The following GOLGB1 variants were observed in gnomAD, a reference collection of about 807,000 sequenced individuals.
The protein encoded by GOLGB1 is golgin B1.
A neutral mutation model predicts 336.9 loss-of-function variants in GOLGB1; 174 were observed. That is an observed-to-expected ratio of 0.52 (90% CI 0.46 to 0.59). The LOEUF (loss-of-function observed/expected upper bound fraction) is 0.59, where lower values mean the gene tolerates loss of function less well. GOLGB1 is among the 20% of genes least tolerant of loss of function. The probability of loss-of-function intolerance (pLI) is 0.00; values close to 1 mark genes in which losing one functional copy is unlikely to be tolerated. For synonymous variants in GOLGB1, 1,208 were observed against 1,289.2 expected (o/e 0.94, Z 1.35); for missense variants, 3,331 against 3,645.3 (o/e 0.91, Z 2.22).
intron 14 of GOLGB1, among the ~76,000 whole-genome samples, chr3:121,688,602 C>T (rs1477092682): frequency 6.6e-6 from 1 of 152,216 alleles, no homozygotes; most frequent in African/African-American, 2.4e-5. Flanking sequence ...TCTGCCCCGC[C>T]GCCACCCCGT....
chr3:121,733,602 T>C (rs1483216637), intron 1 of GOLGB1, among the ~76,000 whole-genome samples: 2 of 152,198 alleles, frequency 1.3e-5, no homozygotes, highest in African/African-American at 2.4e-5. Flanking sequence ...AGCAAGCTTT[T>C]AGTAAACATC....
At chr3:121,669,758 G>T (rs1939224699) in intron 17 of GOLGB1, among the ~76,000 whole-genome samples, 1 of 152,162 alleles carries the variant, frequency 6.6e-6, no homozygotes, top group Non-Finnish European at 1.5e-5. Context: ...AATATGGCTG[G>T]AGAGAGCTGT....
rs751937594 is a variant in GOLGB1, at chr3:121,694,613, C to CA, written c.5909dup (p.Ser1971GlufsTer2). ...GCTGCTTTTCTTCTTCCAATTCACTCACACACTTTTTAAGGTTCTTCATTT... is the reference window on the plus strand; with the variant it reads ...GCTGCTTTTCTTCTTCCAATTCACTCAACACACTTTTTAAGGTTCTTCATTT... On this transcript the variant is annotated frameshift_variant, in exon 13 of 22. Transcript: ENST00000614479. LOFTEE classifies it high-confidence loss of function. The CA allele has an allele frequency of 1.9e-5, 30 of 1,612,066 alleles. No individual in the cohort carries two copies. Among genetic ancestry groups the CA allele is most frequent in the Non-Finnish European group, 2.5e-5 (29 of 1,179,976 alleles).
intron 1 of GOLGB1, among the ~76,000 whole-genome samples, chr3:121,734,405 A>AC (rs1312693834): frequency 5.9e-4 from 90 of 151,860 alleles, no homozygotes; most frequent in Middle Eastern, 3.4e-3. Flanking sequence ...AAAAAAAAAA[A>AC]AAAAAACAAG....
chr3:121,665,144 C>G (rs1168261749), intron 20 of GOLGB1, 113 bp from the exon 21 acceptor site: 1 of 652,540 alleles, frequency 1.5e-6, no homozygotes, highest in Non-Finnish European at 2.7e-6. Context: ...AGACTTGCAG[C>G]AAAAGCTGCT....
intron 4 of GOLGB1, among the ~76,000 whole-genome samples, chr3:121,727,314 ATATATATTTTTTTTTTT>A (rs1252949206): frequency 5.2e-5 from 2 of 38,540 alleles, no homozygotes; most frequent in African/African-American, 7.2e-5. Context: ...ATATATATAT[ATATATATTTTTTTTTTT>A]TTTTTTTTTT....
rs1284445499 is a variant in GOLGB1 at position 121,714,845 on chromosome 3, G to C, written c.1404+16C>G. On this transcript the variant is annotated intron_variant, in intron 10 of 21. Coordinates refer to ENST00000614479, the MANE Select transcript of GOLGB1 (RefSeq NM_001366282.2). ...GACAAACAGTTAATATTCATAAGAA[G>C]TTCACATTTAATTACCTGTGTGCCC... 3.6e-6 allele frequency: 5 copies of C among 1,390,742 alleles called. No homozygotes were observed. The highest frequency in any genetic ancestry group is 4.1e-6 in the Non-Finnish European group (4 of 976,550). The allele number at this position is 1,390,742 out of a possible 1,614,324, so 86.2% of individuals were successfully genotyped here.
intron 1 of GOLGB1, among the ~76,000 whole-genome samples, chr3:121,741,422 T>TA (rs1257246600): frequency 6.6e-6 from 1 of 152,054 alleles, no homozygotes; most frequent in African/African-American, 2.4e-5. Flanking sequence ...ATGCAAAAAA[T>TA]AAAAAATATT....
rs771625594 is a variant in GOLGB1 at position 121,690,852 on chromosome 3, A to T, written c.8512T>A (p.Ser2838Thr). The T allele has an allele frequency of 5.6e-6, 9 of 1,613,678 alleles. No individual in the cohort carries two copies. Among genetic ancestry groups the T allele is most frequent in the Non-Finnish European group, 7.6e-6 (9 of 1,179,756 alleles). Reference protein sequence around the residue: ...QLEDSYNQVQSFSKAMASLQN... With the variant: ...QLEDSYNQVQTFSKAMASLQN... ...AGACTGGCCATAGCCTTGGAAAAGG[A>T]CTGCACTTGGTTATAAGAATCTTCT... Residue 2838 changes from serine (S) to threonine (T), a missense_variant, in exon 14 of 22, where the codon TCC (serine) becomes ACC (threonine). Physicochemically the swap from Ser to Thr is moderately conservative, Grantham distance 58. Coordinates refer to ENST00000614479, the MANE Select transcript of GOLGB1 (RefSeq NM_001366282.2).
chr3:121,671,837 C>T (rs2107581243), intron 17 of GOLGB1, among the ~76,000 whole-genome samples: 1 of 151,618 alleles, frequency 6.6e-6, no homozygotes, highest in Non-Finnish European at 1.5e-5. Flanking sequence ...CCAATGCACT[C>T]TCTATCTTCA....
intron 11 of GOLGB1, among the ~76,000 whole-genome samples, chr3:121,700,534 AAT>A (rs1248584524): frequency 6.6e-6 from 1 of 152,018 alleles, no homozygotes; most frequent in African/African-American, 2.4e-5. Context: ...AAAGGAAAAA[AAT>A]ATATATATTT....
chr3:121,692,083 C>T lies in GOLGB1; in HGVS notation c.7281G>A (p.Glu2427=). The change falls in exon 14 of 22, where the codon GAG becomes GAA. Residue 2427 remains glutamate, a synonymous_variant. Transcript: ENST00000614479. ...TCTCCTCTTCTAAAACAATATTCTC[C>T]TCTTCCTCCTGGGACAGCAGGTTTT... ...ELENLLSQEE[E]ENIVLEEENK... 2 of 1,613,776 alleles carry T rather than the reference C, an allele frequency of 1.2e-6. No individual in the cohort carries two copies. The highest frequency in any genetic ancestry group is 2.2e-5 in the South Asian group (2 of 91,024).
At chr3:121,714,303 G>C (rs1944587462) in intron 10 of GOLGB1, among the ~76,000 whole-genome samples, 1 of 152,130 alleles carries the variant, frequency 6.6e-6, no homozygotes, top group Non-Finnish European at 1.5e-5. Context: ...CTGATATTCA[G>C]GCTCAATCAG....
At chr3:121,747,187 T>TATATATATGG (rs1947362537) in intron 1 of GOLGB1, among the ~76,000 whole-genome samples, 2 of 122,662 alleles carry the variant, frequency 1.6e-5, no homozygotes, top group East Asian at 4.9e-4. Context: ...TATATATATA[T>TATATATATGG]ATATATGGAT....
chr3:121,681,790 C>T lies in GOLGB1; in HGVS notation c.8770G>A (p.Ala2924Thr). The change falls in exon 15 of 22, where the codon GCT (alanine) becomes ACT (threonine). Residue 2924 changes from alanine to threonine, a missense_variant. Ala to Thr is a moderately conservative substitution (Grantham distance 58). Transcript: ENST00000614479. ...TTATCTTGATACTCCTGAAGTTGAG[C>T]CTTCAGTGGATGTAACTCAGTGATC... ...QEITELHPLK[A>T]QLQEYQDKTK... The T allele has an allele frequency of 6.3e-7, 1 of 1,597,310 alleles. No homozygotes were observed. Among genetic ancestry groups the T allele is most frequent in the Non-Finnish European group, 8.6e-7 (1 of 1,164,838 alleles).
At position 121,694,175 on chromosome 3, in the gene GOLGB1, T is replaced by C. The variant is rs1942726155; in HGVS notation, c.6348A>G (p.Ser2116=). 1 of 1,613,588 alleles carries C rather than the reference T, an allele frequency of 6.2e-7. No homozygotes were observed. The highest frequency in any genetic ancestry group is 8.5e-7 in the Non-Finnish European group (1 of 1,179,976). The part of the protein sequence containing the change: ...LKKELQSNKE[S]VKSQMKQKDE... ...CCTTTTGTTTCATCTGGCTTTTAAC[T>C]GATTCTTTATTTGACTGAAGTTCCT... Residue 2116 remains serine, a synonymous_variant, in exon 13 of 22, where the codon TCA becomes TCG. Coordinates refer to ENST00000614479, the MANE Select transcript of GOLGB1 (RefSeq NM_001366282.2).
Position 121,692,168 on chromosome 3 carries a change from G to A in GOLGB1, c.7196C>T (p.Ala2399Val). Residue 2399 changes from alanine to valine, a missense_variant, in exon 14 of 22, where the codon GCA becomes GTA. Physicochemically the swap from Ala to Val is moderately conservative, Grantham distance 64. Transcript: ENST00000614479. ...CAGTTCAGCAATAGCTACTTGGATT[G>A]CCTCTTCCTTGCCAGAAAGCAGGCT... The part of the protein sequence containing the change: ...IISLLSGKEE[A>V]IQVAIAELRQ... 6.2e-7 allele frequency: 1 copy of A among 1,605,372 alleles called. No individual in the cohort carries two copies. Among genetic ancestry groups the A allele is most frequent in the Non-Finnish European group, 8.5e-7 (1 of 1,177,794 alleles).
chr3:121,667,490 C>G lies in GOLGB1; in HGVS notation c.9540G>C (p.Glu3180Asp). Reference sequence around the variant, plus strand: ...TCAGCCTTTACCGTCTGATCTGCTCCTCGGCCACAGAGAGAGCATTCTCAG... The same window carrying G: ...TCAGCCTTTACCGTCTGATCTGCTCGTCGGCCACAGAGAGAGCATTCTCAG... ...VAAENALSVA[E>D]EQIRRLEHSE... Residue 3180 changes from glutamate to aspartate, a missense_variant, in exon 20 of 22, where the codon GAG becomes GAC. Physicochemically the swap from Glu to Asp is conservative, Grantham distance 45. Coordinates refer to ENST00000614479, the MANE Select transcript of GOLGB1 (RefSeq NM_001366282.2). 1.4e-5 allele frequency: 22 copies of G among 1,613,964 alleles called. No individual in the cohort carries two copies. Among genetic ancestry groups the G allele is most frequent in the Non-Finnish European group, 1.9e-5 (22 of 1,179,902 alleles).
At chr3:121,683,089 A>G (rs1309481266) in intron 14 of GOLGB1, among the ~76,000 whole-genome samples, 1 of 58,028 alleles carries the variant, frequency 1.7e-5, no homozygotes, top group African/African-American at 5.5e-5. Context: ...TTTTGGAGAG[A>G]CGGAGTCTCA....
Sources: allele counts gnomAD v4.1 joint callset (sites outside exome capture counted in the v4.1 genomes callset), GRCh38; gene constraint gnomAD v4.1.1; transcripts MANE v1.5; gene names NCBI Gene and HGNC (gene_info 2026-07-23, HGNC 2026-07-21).